Variants in PDZD2 observed in about 807,000 individuals in gnomAD.
PDZD2 encodes the protein PDZ domain-containing protein 2.
PDZD2 carries 90 observed loss-of-function variants against 220.7 expected under a neutral mutation model. The ratio of observed to expected loss-of-function variants is 0.41; its 90% CI spans 0.34 to 0.49. The LOEUF is 0.49. Among genes scored for constraint, PDZD2 ranks in the 20% least tolerant of loss-of-function variants. The pLI, the probability that PDZD2 is intolerant of heterozygous loss-of-function variation, is 0.28. For missense variants in PDZD2, 3,174 were observed against 3,608.5 expected (o/e 0.88, Z 3.08); for synonymous variants, 1,375 against 1,450.5 (o/e 0.95, Z 1.18).
At chr5:31,877,952 G>T (rs1168625129) in intron 2 of PDZD2, among the ~76,000 whole-genome samples, 3 of 152,152 alleles carry the variant, frequency 2.0e-5, no homozygotes, top group African/African-American at 7.2e-5. Context: ...GCCTCCCAAA[G>T]TGCTGGGATT....
At chr5:31,894,514 T>C (rs1017945194) in intron 2 of PDZD2, among the ~76,000 whole-genome samples, 17 of 152,124 alleles carry the variant, frequency 1.1e-4, no homozygotes, top group Non-Finnish European at 1.3e-4. Context: ...TCAGAATTAC[T>C]TTAAAAAAAT....
chr5:32,007,588 A>G, intron 5 of PDZD2, among the ~76,000 whole-genome samples: 1 of 152,202 alleles, frequency 6.6e-6, no homozygotes, highest in Non-Finnish European at 1.5e-5. Context: ...CTGTCGCTAG[A>G]TGCCAGCTTG....
chr5:31,660,574 C>G (rs1245220097), intron 1 of PDZD2, among the ~76,000 whole-genome samples: 1 of 152,046 alleles, frequency 6.6e-6, no homozygotes, highest in Admixed American at 6.6e-5. Context: ...GGGGAAAGCC[C>G]CTTATAAAAC....
intron 18 of PDZD2, among the ~76,000 whole-genome samples, chr5:32,076,399 T>C (rs1213357420): frequency 6.6e-6 from 1 of 152,082 alleles, no homozygotes; most frequent in Non-Finnish European, 1.5e-5. Flanking sequence ...GTTTTGTAAT[T>C]CTAAGTTAAT....
intron 1 of PDZD2, among the ~76,000 whole-genome samples, chr5:31,757,591 C>CA (rs1356882448): frequency 0.017 from 2,173 of 128,408 alleles, 44 homozygotes; most frequent in African/African-American, 0.053. Flanking sequence ...GACTCTGCCT[C>CA]AAAAAAAAAA....
chr5:32,058,952 C>T (rs1739406688), intron 12 of PDZD2, among the ~76,000 whole-genome samples: 1 of 152,112 alleles, frequency 6.6e-6, no homozygotes, highest in Non-Finnish European at 1.5e-5. Context: ...TACTTATAGC[C>T]TGCCTATTTC....
chr5:31,786,425 G>A (rs1753380924), intron 1 of PDZD2, among the ~76,000 whole-genome samples: 3 of 152,190 alleles, frequency 2.0e-5, no homozygotes, highest in Admixed American at 2.0e-4. Context: ...CTGTTCCAAA[G>A]AGCTTTTATT....
intron 14 of PDZD2, among the ~76,000 whole-genome samples, chr5:32,065,878 T>C (rs1311635188): frequency 6.6e-6 from 1 of 151,710 alleles, no homozygotes; most frequent in Non-Finnish European, 1.5e-5. Context: ...ATATAAAAAT[T>C]AGCTGGGCGT....
chr5:31,918,513 GGACAGAAAAA>G (rs1391737096), intron 2 of PDZD2, among the ~76,000 whole-genome samples: 3 of 152,170 alleles, frequency 2.0e-5, no homozygotes, highest in African/African-American at 7.2e-5. Flanking sequence ...CAAATGGAAA[GGACAGAAAAA>G]GACACCTGGT....
intron 1 of PDZD2, among the ~76,000 whole-genome samples, chr5:31,641,545 A>ATTTTT (rs546221558): frequency 3.5e-5 from 5 of 142,718 alleles, no homozygotes; most frequent in African/African-American, 1.5e-4. Context: ...GATGTGTGAG[A>ATTTTT]TATTTTTTTT....
intron 2 of PDZD2, among the ~76,000 whole-genome samples, chr5:31,859,515 T>C (rs1737486595): frequency 6.6e-6 from 1 of 152,236 alleles, no homozygotes. Context: ...AAATTTTCTT[T>C]TTATAACCTC....
chr5:31,740,807 AT>A (rs1180272002), intron 1 of PDZD2, among the ~76,000 whole-genome samples: 1 of 152,132 alleles, frequency 6.6e-6, no homozygotes, highest in Non-Finnish European at 1.5e-5. Context: ...GCATTGTTTC[AT>A]CCCTTCTTAA....
intron 6 of PDZD2, among the ~76,000 whole-genome samples, chr5:32,011,807 TG>T (rs1237949248): frequency 1.3e-5 from 2 of 152,356 alleles, no homozygotes; most frequent in Non-Finnish European, 2.9e-5. Flanking sequence ...TCTTCCTTTT[TG>T]TTCCTGGAAA....
intron 2 of PDZD2, among the ~76,000 whole-genome samples, chr5:31,863,598 G>A (rs1186455006): frequency 6.6e-6 from 1 of 152,228 alleles, no homozygotes; most frequent in Admixed American, 6.5e-5. Context: ...AAAGTTTGGA[G>A]TTGGTTTTAT....
At chr5:31,673,896 G>A (rs532051050) in intron 1 of PDZD2, among the ~76,000 whole-genome samples, 18 of 152,228 alleles carry the variant, frequency 1.2e-4, no homozygotes, top group African/African-American at 2.4e-4. Context: ...ACTTGAACCC[G>A]GGAGGCAGAG....
At position 31,752,068 on chromosome 5, in the gene PDZD2, GGTTTGTT is replaced by G. The variant is rs1230013935; in HGVS notation, c.-360-46820_-360-46814del. Among the ~76,000 whole-genome samples the G allele has an allele frequency of 3.7e-3, 352 of 95,948 alleles. 60 individuals carry two copies. The highest frequency in any genetic ancestry group is 0.014 in the Middle Eastern group (2 of 140). 62.9% of individuals were successfully genotyped at this position (95,948 alleles called of 152,430 possible). ...TTTGTTTGTTTGTTTTATTGTTTTG[GGTTTGTT>G]TTTTTTTTTTTTTTTCTGAGACAAG... On this transcript the variant is annotated intron_variant, in intron 1 of 24. Transcript: ENST00000438447.
intron 2 of PDZD2, among the ~76,000 whole-genome samples, chr5:31,953,543 GGT>G (rs1175498184): frequency 6.6e-6 from 1 of 152,106 alleles, no homozygotes; most frequent in African/African-American, 2.4e-5. Flanking sequence ...GACCTGGCAT[GGT>G]GGCTCTCACT....
At chr5:31,878,554 G>GC (rs1561534867) in intron 2 of PDZD2, among the ~76,000 whole-genome samples, 43 of 39,248 alleles carry the variant, frequency 1.1e-3, no homozygotes, top group African/African-American at 2.9e-3. Flanking sequence ...GATGACCTCG[G>GC]CTTTTTTTTT....
intron 1 of PDZD2, among the ~76,000 whole-genome samples, chr5:31,720,399 G>A (rs938326594): frequency 1.3e-5 from 2 of 152,078 alleles, no homozygotes. Context: ...ACAACATAGT[G>A]AAAAAAATGC....
Sources: allele counts gnomAD v4.1 joint callset (sites outside exome capture counted in the v4.1 genomes callset), GRCh38; gene constraint gnomAD v4.1.1; transcripts MANE v1.5; gene names NCBI Gene and HGNC (gene_info 2026-07-23, HGNC 2026-07-21).